The following C2orf78 variants were observed in gnomAD, a reference collection of about 807,000 sequenced individuals.
The protein encoded by C2orf78 is chromosome 2 open reading frame 78.
C2orf78 carries 12 observed loss-of-function variants against 21.4 expected under a neutral mutation model. The observed-to-expected ratio is 0.56, with a 90% CI of 0.36 to 0.91. The LOEUF (loss-of-function observed/expected upper bound fraction) is 0.91, where lower values mean the gene tolerates loss of function less well. C2orf78 is among the 40% of genes least tolerant of loss of function. The pLI is 0.01. For synonymous variants in C2orf78, 396 were observed against 413.9 expected (o/e 0.96, Z 0.52); for missense variants, 1,042 against 1,092.4 (o/e 0.95, Z 0.65).
chr2:73,813,535 T>G, exon 2 of C2orf78: 1 of 1,613,894 alleles, frequency 6.2e-7, no homozygotes, highest in Non-Finnish European at 8.5e-7. Flanking sequence ...TCTCTCTTCC[T>G]GTGGTGAGCA....
Position 73,816,308 on chromosome 2 carries a change from T to C in C2orf78, c.2085T>C (p.Asp695=), listed in dbSNP as rs181478638. ...TTCAAGTCAAGGCCCAGAAACTAGA[T>C]GGTAGTGCTGAAAAAGAGTGTACAT... The change falls in exon 3 of 3, where the codon GAT becomes GAC. Residue 695 remains aspartate, a synonymous_variant. Coordinates refer to ENST00000409561, the Ensembl canonical transcript of C2orf78. The C allele has an allele frequency of 4.3e-5, 70 of 1,613,804 alleles. No homozygotes were observed. The African/African-American group carries it at 8.4e-4, about 19-fold the overall frequency.
intron 1 of C2orf78, among the ~76,000 whole-genome samples, chr2:73,811,500 A>C (rs1673088485): frequency 6.6e-6 from 1 of 152,204 alleles, no homozygotes; most frequent in African/African-American, 2.4e-5. Flanking sequence ...TGAAAAGTAG[A>C]TTCCAAGTAA....
rs447036 is a variant in C2orf78 at position 73,784,215 on chromosome 2, C to T, written c.-95C>T. Reference sequence around the variant, plus strand: ...CACCAAACCGACCACCACCTGGTAGCATCTTGGGGTTTCCTGGGCGTGGCC... The same window carrying T: ...CACCAAACCGACCACCACCTGGTAGTATCTTGGGGTTTCCTGGGCGTGGCC... On this transcript the variant is annotated 5_prime_UTR_variant, in exon 1 of 3. Transcript: ENST00000409561. The T allele has an allele frequency of 2.6e-6, 4 of 1,513,462 alleles. No individual in the cohort carries two copies. The Admixed American group carries it at 7.9e-5, about 30-fold the overall frequency. 93.8% of individuals were successfully genotyped at this position (1,513,462 alleles called of 1,614,324 possible). A position where few individuals can be genotyped will look rare whatever the true frequency, so the allele number is the denominator to read the frequency against.
chr2:73,811,402 T>C (rs961687847), intron 1 of C2orf78, among the ~76,000 whole-genome samples: 19 of 152,198 alleles, frequency 1.2e-4, no homozygotes, highest in Admixed American at 1.1e-3. Flanking sequence ...TTTTAAATTA[T>C]ATGGATGTTT....
At chr2:73,816,423 G>T (rs763862018) in exon 3 of C2orf78, 1 of 1,613,896 alleles carries the variant, frequency 6.2e-7, no homozygotes, top group Admixed American at 1.7e-5. Flanking sequence ...AGCTCGACAT[G>T]TTTCTCGGCG....
chr2:73,814,932 C>T, intron 2 of C2orf78, 139 bp from the exon 3 acceptor site: 2 of 714,008 alleles, frequency 2.8e-6, no homozygotes, highest in South Asian at 2.0e-5. Context: ...TCTCCTAATA[C>T]AGGGTCTTGC....
chr2:73,816,421 A>C (rs199942899), exon 3 of C2orf78: 5 of 1,613,600 alleles, frequency 3.1e-6, no homozygotes, highest in Non-Finnish European at 4.2e-6. Context: ...CAAGCTCGAC[A>C]TGTTTCTCGG....
exon 3 of C2orf78, chr2:73,816,663 G>A (rs1216196464): frequency 6.2e-7 from 1 of 1,613,956 alleles, no homozygotes; most frequent in South Asian, 1.1e-5. Flanking sequence ...TAGGCCATCA[G>A]CCTACAAAAC....
chr2:73,812,619 G>C (rs547988543), intron 1 of C2orf78, among the ~76,000 whole-genome samples: 6 of 152,160 alleles, frequency 3.9e-5, no homozygotes, highest in African/African-American at 1.4e-4. Flanking sequence ...TGGTAAACAT[G>C]GCAAAACCCC....
At chr2:73,813,571 C>T in exon 2 of C2orf78, 1 of 1,614,050 alleles carries the variant, frequency 6.2e-7, no homozygotes, top group Non-Finnish European at 8.5e-7. Flanking sequence ...CAGGAAGCAT[C>T]TCCAACTTCT....
At chr2:73,809,681 G>C (rs1466673183) in intron 1 of C2orf78, among the ~76,000 whole-genome samples, 1 of 152,182 alleles carries the variant, frequency 6.6e-6, no homozygotes, top group Non-Finnish European at 1.5e-5. Context: ...GGAAGCTGAG[G>C]TGGGAGGATC....
At chr2:73,807,633 T>G (rs1363995051) in intron 1 of C2orf78, among the ~76,000 whole-genome samples, 1 of 66,312 alleles carries the variant, frequency 1.5e-5, no homozygotes, top group Admixed American at 1.8e-4. Context: ...GCTGTTTGCT[T>G]CTCATGAGCA....
exon 3 of C2orf78, chr2:73,815,258 C>G (rs1673167447): frequency 6.2e-7 from 1 of 1,613,814 alleles, no homozygotes; most frequent in African/African-American, 1.3e-5. Context: ...CTACTAATCT[C>G]TTGACACTGT....
At chr2:73,815,285 G>A (rs1335018310) in exon 3 of C2orf78, 1 of 1,613,564 alleles carries the variant, frequency 6.2e-7, no homozygotes, top group Non-Finnish European at 8.5e-7. Context: ...CTCCAAGCCA[G>A]GAAAAAAATG....
At chr2:73,812,841 A>G (rs950744167) in intron 1 of C2orf78, among the ~76,000 whole-genome samples, 2 of 152,214 alleles carry the variant, frequency 1.3e-5, no homozygotes, top group African/African-American at 4.8e-5. Flanking sequence ...GGCCTGGGTT[A>G]AATATAAACT....
rs536149367 is a variant in C2orf78 at position 73,808,707 on chromosome 2, T to A, written c.98-4770T>A. ...TCCCACCAAACCAACTGCCACCTGG[T>A]AGAATCTTGGGGTTTCCTGGGCGTG... is the stretch of plus-strand genomic sequence containing the variant. On this transcript the variant is annotated intron_variant, in intron 1 of 2. Transcript: ENST00000409561. 3.3e-6 allele frequency: 5 copies of A among 1,513,048 alleles called. No homozygotes were observed. In the African/African-American group the frequency reaches 5.6e-5, roughly 17 times the overall value. 93.7% of individuals were successfully genotyped at this position (1,513,048 alleles called of 1,614,324 possible).
chr2:73,815,238 G>T (rs1158441182), exon 3 of C2orf78: 13 of 1,613,930 alleles, frequency 8.1e-6, no homozygotes, highest in Non-Finnish European at 1.1e-5. Context: ...AATAACTCCA[G>T]TCCAGAGTCC....
intron 1 of C2orf78, among the ~76,000 whole-genome samples, chr2:73,809,801 A>G (rs1673037784): frequency 6.6e-6 from 1 of 152,144 alleles, no homozygotes; most frequent in Admixed American, 6.5e-5. Context: ...CAAATAAACA[A>G]ACAAAAGTAA....
At chr2:73,815,023 G>T in intron 2 of C2orf78, 48 bp from the exon 3 acceptor site, 3 of 1,548,460 alleles carry the variant, frequency 1.9e-6, no homozygotes, top group Non-Finnish European at 2.6e-6. Flanking sequence ...TGTGTAGGGG[G>T]AGCATCTCAC....
Sources: allele counts gnomAD v4.1 joint callset (sites outside exome capture counted in the v4.1 genomes callset), GRCh38; gene constraint gnomAD v4.1.1; transcripts MANE v1.5; gene names NCBI Gene and HGNC (gene_info 2026-07-23, HGNC 2026-07-21).